Variants in STIL observed in about 807,000 individuals in gnomAD.
STIL encodes the protein SCL-interrupting locus protein.
In STIL, 55 loss-of-function variants were observed where a neutral mutation model predicts 110.1. The ratio of observed to expected loss-of-function variants is 0.50; its 90% CI spans 0.40 to 0.63. The LOEUF is 0.63. STIL is among the 20% of genes least tolerant of loss of function. The probability of loss-of-function intolerance (pLI) is 0.00; values close to 1 mark genes in which losing one functional copy is unlikely to be tolerated. For missense variants in STIL, 1,358 were observed against 1,530.0 expected, an observed-to-expected ratio of 0.89 and a Z score of 1.87; for synonymous variants, 481 against 530.0, an observed-to-expected ratio of 0.91 and a Z score of 1.27.
intron 15 of STIL, among the ~76,000 whole-genome samples, 189 bp from the exon 16 acceptor site, chr1:47,260,728 G>A (rs1644461383): frequency 6.6e-6 from 1 of 152,074 alleles, no homozygotes; most frequent in South Asian, 2.1e-4. Context: ...AATTAGCTGG[G>A]CACGGTGGCA....
chr1:47,280,841 T>C lies in STIL; in HGVS notation c.1617A>G (p.Gln539=). Residue 539 remains glutamine, a synonymous_variant, in exon 12 of 17, where the codon CAA becomes CAG. Transcript: ENST00000371877. The stretch of plus-strand genomic sequence containing the variant: ...TTTGTACATTTCCAGCAGAAACTGT[T>C]TGGAGCTTTTCAAATATATCATGAG... ...GPSHDIFEKL[Q]TVSAGNVQNE... The C allele has an allele frequency of 6.2e-7, 1 of 1,614,204 alleles. No homozygotes were observed. Among genetic ancestry groups the C allele is most frequent in the Non-Finnish European group, 8.5e-7 (1 of 1,180,028 alleles).
intron 8 of STIL, among the ~76,000 whole-genome samples, chr1:47,291,433 C>T (rs948572400): frequency 1.3e-5 from 2 of 151,468 alleles, no homozygotes; most frequent in Non-Finnish European, 2.9e-5. Context: ...AATAAATAAA[C>T]GGCAACTCTT....
At chr1:47,271,454 C>A (rs961398406) in intron 13 of STIL, among the ~76,000 whole-genome samples, 10 of 151,338 alleles carry the variant, frequency 6.6e-5, no homozygotes, top group African/African-American at 2.4e-4. Flanking sequence ...CGCTTGTAGT[C>A]CCAGCTACTC....
rs772554677 is a variant in STIL, at chr1:47,269,701, A to C, written c.2549T>G (p.Ile850Ser). ...GSASSLKAVD[I>S]PSFEESNIAV... ...AATGTTGCTCTCTTCAAAACTGGGA[A>C]TATCAACTGCTTTTAATGAAGATGC... Residue 850 changes from isoleucine (I) to serine (S), a missense_variant, in exon 14 of 17, where the codon ATT (isoleucine) becomes AGT (serine). Coordinates refer to ENST00000371877, the MANE Select transcript of STIL (RefSeq NM_001048166.1). The C allele has an allele frequency of 1.4e-5, 23 of 1,614,170 alleles. 1 individual carries two copies. The South Asian group carries it at 1.9e-4, about 13-fold the overall frequency.
intron 12 of STIL, among the ~76,000 whole-genome samples, chr1:47,279,727 C>CAAAAAAAAAA (rs11371469): frequency 7.2e-5 from 6 of 82,820 alleles, no homozygotes; most frequent in African/African-American, 2.5e-4. Flanking sequence ...GACTCCGTCT[C>CAAAAAAAAAA]AAAAAAAAAA....
chr1:47,293,490 C>T lies in STIL; in HGVS notation c.840G>A (p.Leu280=), dbSNP rs765965320. ...GAACAGAAGAATTGAATATGTATCGCAAACAGCAAGCCCATACCTGAGGAC... is the reference window on the plus strand; with the variant it reads ...GAACAGAAGAATTGAATATGTATCGTAAACAGCAAGCCCATACCTGAGGAC... The part of the protein sequence containing the change: ...IYSPQVWACC[L]RYIFNSSVQE... The change falls in exon 8 of 17, where the codon TTG becomes TTA. Residue 280 remains leucine, a synonymous_variant. Coordinates refer to ENST00000371877, the MANE Select transcript of STIL (RefSeq NM_001048166.1). 2 of 1,613,302 alleles carry T rather than the reference C, an allele frequency of 1.2e-6. No individual in the cohort carries two copies. Among genetic ancestry groups the T allele is most frequent in the East Asian group, 2.2e-5 (1 of 44,758 alleles).
intron 14 of STIL, among the ~76,000 whole-genome samples, chr1:47,264,293 G>GT (rs1237110756): frequency 3.9e-5 from 6 of 152,050 alleles, no homozygotes; most frequent in African/African-American, 1.4e-4. Flanking sequence ...CCAGTCCTCA[G>GT]AACAATGAGA....
Position 47,272,121 on chromosome 1 carries a change from G to C in STIL, c.2338C>G (p.Pro780Ala), listed in dbSNP as rs746327335. ...ELVSVEAQSS[P>A]GLHMRKGVSI... ...ACACCTTTTCTCATGTGCAAGCCAGGGGAAGACTGTGCTTCCACAGAAACC... is the reference window on the plus strand; with the variant it reads ...ACACCTTTTCTCATGTGCAAGCCAGCGGAAGACTGTGCTTCCACAGAAACC... Residue 780 changes from proline (P) to alanine (A), a missense_variant, in exon 13 of 17, where the codon CCT becomes GCT. Transcript: ENST00000371877. 1.2e-6 allele frequency: 2 copies of C among 1,614,100 alleles called. No homozygotes were observed. Among genetic ancestry groups the C allele is most frequent in the South Asian group, 2.2e-5 (2 of 91,078 alleles).
upstream of STIL, among the ~76,000 whole-genome samples, chr1:47,314,464 G>A (rs1484172209): frequency 1.3e-5 from 2 of 152,230 alleles, no homozygotes; most frequent in African/African-American, 4.8e-5. Flanking sequence ...CTAGGTAGAC[G>A]GAGGAGCGAG....
At chr1:47,266,986 C>T (rs1644672635) in intron 14 of STIL, among the ~76,000 whole-genome samples, 1 of 152,228 alleles carries the variant, frequency 6.6e-6, no homozygotes, top group Non-Finnish European at 1.5e-5. Context: ...ATCACTATGT[C>T]CAGCCACACT....
Position 47,269,734 on chromosome 1 carries a change from G to C in STIL, c.2516C>G (p.Pro839Arg). ...VDINNEVTSL[P>R]GSASSLKAVD... ...TGCTTTTAATGAAGATGCACTACCT[G>C]GAAGACTTGTGACTTCATTATTAAT... Residue 839 changes from proline (P) to arginine (R), a missense_variant, in exon 14 of 17, where the codon CCA becomes CGA. Transcript: ENST00000371877. 1 of 1,614,062 alleles carries C rather than the reference G, an allele frequency of 6.2e-7. No homozygotes were observed. The highest frequency in any genetic ancestry group is 8.5e-7 in the Non-Finnish European group (1 of 1,179,992).
intron 16 of STIL, 134 bp downstream of exon 16, chr1:47,260,154 CA>C: frequency 1.2e-6 from 1 of 864,272 alleles, no homozygotes; most frequent in South Asian, 1.9e-5. Context: ...AATTGAGGCA[CA>C]AACGTAACTT....
chr1:47,284,675 AGGTCAGGAGTTCGAGGCCAGCC>A (rs1373452682), intron 10 of STIL, among the ~76,000 whole-genome samples: 6 of 152,166 alleles, frequency 3.9e-5, no homozygotes, highest in Admixed American at 3.3e-4. Context: ...GGATCATTTG[AGGTCAGGAGTTCGAGGCCAGCC>A]TGGCCAACAT....
chr1:47,270,237 A>AT lies in STIL; in HGVS notation c.2384-372_2384-371insA, dbSNP rs1553172317. Reference sequence around the variant, plus strand: ...TGGGCAACTCTGGCTCAAAAAAAAAAAAAAATATATATATATATACACACA... The same window carrying AT: ...TGGGCAACTCTGGCTCAAAAAAAAAATAAAAATATATATATATATACACACA... On this transcript the variant is annotated intron_variant, in intron 13 of 16. Coordinates refer to ENST00000371877, the MANE Select transcript of STIL (RefSeq NM_001048166.1). 1.3e-3 allele frequency among the ~76,000 whole-genome samples: 133 copies of AT among 103,214 alleles called. 2 individuals are homozygous for AT. The highest frequency in any genetic ancestry group is 4.6e-3 in the African/African-American group (127 of 27,780). 67.7% of individuals were successfully genotyped at this position (103,214 alleles called of 152,430 possible). A position where few individuals can be genotyped will look rare whatever the true frequency, so the allele number is the denominator to read the frequency against.
At chr1:47,264,930 T>TAAAAAAAAAA in intron 14 of STIL, among the ~76,000 whole-genome samples, 1 of 128,850 alleles carries the variant, frequency 7.8e-6, no homozygotes, top group Non-Finnish European at 1.6e-5. Context: ...TTTCTAAAGT[T>TAAAAAAAAAA]AAAAAAAAAA....
At chr1:47,278,526 T>G (rs1276916563) in intron 12 of STIL, among the ~76,000 whole-genome samples, 1 of 152,152 alleles carries the variant, frequency 6.6e-6, no homozygotes, top group Non-Finnish European at 1.5e-5. Context: ...CTAAGATTTC[T>G]AAATAGTATA....
intron 14 of STIL, among the ~76,000 whole-genome samples, chr1:47,265,610 G>A (rs936093855): frequency 1.3e-5 from 2 of 151,678 alleles, no homozygotes; most frequent in East Asian, 2.0e-4. Context: ...GAGAAACCCC[G>A]TCTCTACTAA....
chr1:47,297,737 G>A (rs1179977526), intron 6 of STIL, among the ~76,000 whole-genome samples: 1 of 151,986 alleles, frequency 6.6e-6, no homozygotes, highest in African/African-American at 2.4e-5. Context: ...ACAGGTGTGT[G>A]TCAATGTACC....
At chr1:47,278,258 T>C (rs1330163571) in intron 12 of STIL, among the ~76,000 whole-genome samples, 1 of 152,154 alleles carries the variant, frequency 6.6e-6, no homozygotes, top group Admixed American at 6.5e-5. Context: ...AGAAAATTTG[T>C]TGTCTATCAT....
Sources: allele counts gnomAD v4.1 joint callset (sites outside exome capture counted in the v4.1 genomes callset), GRCh38; gene constraint gnomAD v4.1.1; transcripts MANE v1.5; gene names NCBI Gene and HGNC (gene_info 2026-07-23, HGNC 2026-07-21).